USP28: variants seen among roughly 807,000 people sequenced by gnomAD.
USP28 encodes ubiquitin specific peptidase 28, also known as ubiquitin carboxyl-terminal hydrolase 28.
In USP28, 113 loss-of-function variants were observed where a neutral mutation model predicts 145.0. The observed-to-expected ratio is 0.78, with a 90% CI of 0.67 to 0.91. The LOEUF is 0.91. Ranked by LOEUF, USP28 falls within the 40% of genes least tolerant of loss-of-function variation. USP28 has a pLI of 0.00. For synonymous variants in USP28, 447 were observed against 450.9 expected (o/e 0.99, Z 0.11); for missense variants, 1,201 against 1,289.6 (o/e 0.93, Z 1.05).
At chr11:113,851,493 A>G (rs542246435) in intron 3 of USP28, among the ~76,000 whole-genome samples, 1 of 152,122 alleles carries the variant, frequency 6.6e-6, no homozygotes, top group Non-Finnish European at 1.5e-5. Context: ...CCTCCCCTGC[A>G]CATTCTTAAA....
chr11:113,801,764 A>T, intron 23 of USP28, 86 bp from the exon 25 acceptor site: 1 of 1,119,878 alleles, frequency 8.9e-7, no homozygotes, highest in East Asian at 2.5e-5. Context: ...GTGGTTCCCA[A>T]ACTTTACTGC....
chr11:113,821,694 G>C (rs1482474359), intron 12 of USP28: 1 of 197,104 alleles, frequency 5.1e-6, no homozygotes, highest in Non-Finnish European at 1.1e-5. Context: ...CACCCTAGGA[G>C]TTTCCTCTTT....
chr11:113,841,722 G>A, exon 4 of USP28: 1 of 1,613,442 alleles, frequency 6.2e-7, no homozygotes, highest in Non-Finnish European at 8.5e-7. Context: ...TCAAAGCAAT[G>A]GCAGCCTGAA....
At chr11:113,841,761 T>C (rs774730507) in exon 4 of USP28, 1 of 1,610,624 alleles carries the variant, frequency 6.2e-7, no homozygotes, top group Non-Finnish European at 8.5e-7. Flanking sequence ...GAGTAAGGTC[T>C]ATAACTTCTG....
exon 25 of USP28, chr11:113,799,019 C>T: frequency 2.1e-6 from 1 of 467,368 alleles, no homozygotes. Flanking sequence ...CACCTTAATA[C>T]ACTGCTTTCT....
At position 113,817,633 on chromosome 11, in the gene USP28, A is replaced by T. The variant is rs748813700; in HGVS notation, c.1463+25T>A. 6.9e-6 allele frequency: 11 copies of T among 1,596,630 alleles called. No homozygotes were observed. In the Admixed American group the frequency reaches 1.9e-4, roughly 27 times the overall value. Reference sequence around the variant, plus strand: ...TTATACCAGAAAAACAATACATACCATTAAAAAAAAAATGTTTTCATTACC... The same window carrying T: ...TTATACCAGAAAAACAATACATACCTTTAAAAAAAAAATGTTTTCATTACC... On this transcript the variant is annotated intron_variant, in intron 13 of 24. Coordinates refer to ENST00000003302, the Ensembl canonical transcript of USP28.
chr11:113,835,840 G>C (rs917581100), intron 5 of USP28, among the ~76,000 whole-genome samples: 12 of 152,206 alleles, frequency 7.9e-5, no homozygotes, highest in African/African-American at 2.7e-4. Context: ...CAGCACTTTG[G>C]GAGGCTGAGG....
At chr11:113,834,386 G>A (rs781654771) in intron 5 of USP28, 51 bp from the exon 6 acceptor site, 28 of 1,280,492 alleles carry the variant, frequency 2.2e-5, no homozygotes, top group African/African-American at 7.6e-5. Flanking sequence ...AATAACTGCA[G>A]CAACATATGT....
In USP28 at chr11:113,854,246, C is replaced by A; in HGVS notation, c.135+12G>T. The A allele has an allele frequency of 6.2e-7, 1 of 1,610,048 alleles. No individual in the cohort carries two copies. On this transcript the variant is annotated intron_variant, in intron 2 of 24. Coordinates refer to ENST00000003302, the Ensembl canonical transcript of USP28. The stretch of plus-strand genomic sequence containing the variant: ...TTAAAGCCTCCTGACTAACAGAGAT[C>A]TGGAAACCAACCTTCAGAGCTTCAT...
intron 24 of USP28, among the ~76,000 whole-genome samples, chr11:113,799,748 T>C (rs971506595): frequency 6.6e-6 from 1 of 152,234 alleles, no homozygotes; most frequent in Admixed American, 6.5e-5. Context: ...TATCAGTGTA[T>C]ACACATGGTT....
chr11:113,830,828 T>C (rs780728580), intron 9 of USP28, 39 bp downstream of exon 9: 1 of 1,594,164 alleles, frequency 6.3e-7, no homozygotes, highest in East Asian at 2.2e-5. Flanking sequence ...AAAGATATGA[T>C]CAAAGGTCTA....
chr11:113,847,872 C>T (rs1286866451), intron 3 of USP28, among the ~76,000 whole-genome samples: 2 of 152,118 alleles, frequency 1.3e-5, no homozygotes, highest in Non-Finnish European at 2.9e-5. Context: ...GTTAAGGACA[C>T]CCCTTCAGTG....
intron 3 of USP28, among the ~76,000 whole-genome samples, chr11:113,846,535 G>A (rs1373792425): frequency 1.3e-5 from 2 of 152,106 alleles, no homozygotes; most frequent in Non-Finnish European, 2.9e-5. Flanking sequence ...TTTGCAATAT[G>A]GTAACATTCT....
chr11:113,814,090 T>TAC (rs1338422653), intron 14 of USP28, 135 bp from the exon 15 acceptor site: 12 of 616,604 alleles, frequency 1.9e-5, no homozygotes, highest in Non-Finnish European at 3.0e-5. Flanking sequence ...CGAAGCAATA[T>TAC]ACAGTTTTAA....
At chr11:113,837,304 C>CAGGT (rs1309098712) in intron 5 of USP28, among the ~76,000 whole-genome samples, 2 of 152,202 alleles carry the variant, frequency 1.3e-5, no homozygotes, top group East Asian at 3.8e-4. Flanking sequence ...AGACATAGAG[C>CAGGT]AGGTGTTCAA....
At chr11:113,865,745 AAC>A (rs1948189871) in intron 1 of USP28, among the ~76,000 whole-genome samples, 1 of 152,228 alleles carries the variant, frequency 6.6e-6, no homozygotes, top group Non-Finnish European at 1.5e-5. Context: ...AAATTCTTAG[AAC>A]ACAGAGATAA....
At position 113,818,049 on chromosome 11, in the gene USP28, G is replaced by A. The variant is rs1942020023; in HGVS notation, c.1284-212C>T. 9.0e-6 allele frequency: 4 copies of A among 445,230 alleles called. No individual in the cohort carries two copies. In the East Asian group the frequency reaches 1.3e-4, roughly 15 times the overall value. 27.6% of individuals were successfully genotyped at this position (445,230 alleles called of 1,614,324 possible). ...CCAACAATCTGAAGTTTTATATCTG[G>A]CAGGAAACATTTCAAATAGGCTCCT... On this transcript the variant is annotated intron_variant, in intron 12 of 24. Coordinates refer to ENST00000003302, the Ensembl canonical transcript of USP28.
At chr11:113,843,671 C>CAAA (rs573054023) in intron 3 of USP28, among the ~76,000 whole-genome samples, 80 of 61,884 alleles carry the variant, frequency 1.3e-3, no homozygotes, top group African/African-American at 4.0e-3. Flanking sequence ...AACTCTATCT[C>CAAA]AAAAAAAAAA....
intron 3 of USP28, among the ~76,000 whole-genome samples, chr11:113,847,485 G>T (rs992430370): frequency 6.6e-6 from 1 of 151,962 alleles, no homozygotes; most frequent in Non-Finnish European, 1.5e-5. Context: ...TATAAATAAA[G>T]AGAGTCTTAA....
Sources: gnomAD v4.1 joint callset for allele counts (sites outside exome capture counted in the v4.1 genomes callset) on GRCh38, gnomAD v4.1.1 for gene constraint, MANE v1.5 for transcripts, NCBI Gene and HGNC (gene_info 2026-07-23, HGNC 2026-07-21) for gene names.